The following RNASE12 variants were observed in gnomAD, a reference collection of about 807,000 sequenced individuals.
The protein encoded by RNASE12 is probable inactive ribonuclease-like protein 12.
For synonymous variants in RNASE12, 55 were observed against 59.8 expected, an observed-to-expected ratio of 0.92 and a Z score of 0.37; for missense variants, 161 against 177.6, an observed-to-expected ratio of 0.91 and a Z score of 0.53.
At chr14:20,590,723 T>A (rs745562367) in exon 1 of RNASE12, 4 of 1,613,082 alleles carry the variant, frequency 2.5e-6, no homozygotes. Flanking sequence ...ATTATTATCA[T>A]CAGAGGTAAG....
chr14:20,590,378 A>G (rs1041891712), exon 1 of RNASE12: 2 of 1,614,116 alleles, frequency 1.2e-6, no homozygotes, highest in South Asian at 2.2e-5. Context: ...CAGGCAGGGT[A>G]TCTTGTGCCT....
rs1337707927 is a variant in RNASE12 at position 20,590,211 on chromosome 14, C to G, written c.*69G>C. On this transcript the variant is annotated 3_prime_UTR_variant, in exon 1 of 1. Coordinates refer to ENST00000556526, the Ensembl canonical transcript of RNASE12. Reference sequence around the variant, plus strand: ...ATTGCCCCATGTCCACGGTCCAGGTCTGCCTCAGGCACAGCCAGCTCCAAT... The same window carrying G: ...ATTGCCCCATGTCCACGGTCCAGGTGTGCCTCAGGCACAGCCAGCTCCAAT... 12 of 1,575,248 alleles carry G rather than the reference C, an allele frequency of 7.6e-6. No individual in the cohort carries two copies. In the African/African-American group the frequency reaches 1.5e-4, roughly 20 times the overall value.
chr14:20,591,055 G>A (rs746698819), upstream of RNASE12: 19 of 985,012 alleles, frequency 1.9e-5, no homozygotes, highest in Non-Finnish European at 2.2e-5. Context: ...CAAATCCTTC[G>A]AAGTGCTCAA....
chr14:20,590,219 G>GCT, exon 1 of RNASE12: 1 of 1,584,930 alleles, frequency 6.3e-7, no homozygotes, highest in Non-Finnish European at 8.6e-7. Flanking sequence ...GTCTGCCTCA[G>GCT]GCACAGCCAG....
downstream of RNASE12, chr14:20,590,111 A>G (rs542001866): frequency 9.3e-5 from 116 of 1,241,744 alleles, no homozygotes; most frequent in African/African-American, 1.7e-3. Context: ...TTATTGAAGC[A>G]GAATAAAACA....
At chr14:20,591,355 T>C (rs1398744487), upstream of RNASE12, 10 of 925,928 alleles carry the variant, frequency 1.1e-5, no homozygotes, top group African/African-American at 7.1e-5. Flanking sequence ...CAATAACTGA[T>C]AGAGAGCCTG....
At chr14:20,590,915 TC>T, upstream of RNASE12, 28 of 1,429,340 alleles carry the variant, frequency 2.0e-5, no homozygotes, top group Non-Finnish European at 2.6e-5. Context: ...GAGGCATAGT[TC>T]CCCAAGAAAG....
At chr14:20,590,912 AG>A, upstream of RNASE12, 1 of 1,431,242 alleles carries the variant, frequency 7.0e-7, no homozygotes, top group Non-Finnish European at 9.2e-7. Flanking sequence ...CTGGAGGCAT[AG>A]TTCCCCAAGA....
chr14:20,590,348 T>A, exon 1 of RNASE12: 1 of 1,614,116 alleles, frequency 6.2e-7, no homozygotes, highest in Non-Finnish European at 8.5e-7. Context: ...AACCCCTCTG[T>A]GGGGGAATAG....
Position 20,590,770 on chromosome 14 carries a change from T to C in RNASE12, c.-47A>G. Reference sequence around the variant, plus strand: ...ATCTTTGGCTTTGACTGCTGTTGAGTAAGGGAAGATAGAAAGTAGCAAAGG... The same window carrying C: ...ATCTTTGGCTTTGACTGCTGTTGAGCAAGGGAAGATAGAAAGTAGCAAAGG... On this transcript the variant is annotated 5_prime_UTR_variant, in exon 1 of 1. Coordinates refer to ENST00000556526, the Ensembl canonical transcript of RNASE12. 6.3e-7 allele frequency: 1 copy of C among 1,590,008 alleles called. No individual in the cohort carries two copies.
exon 1 of RNASE12, chr14:20,590,517 G>A: frequency 1.2e-6 from 2 of 1,614,248 alleles, no homozygotes; most frequent in Non-Finnish European, 8.5e-7. Flanking sequence ...GCCTCTCATG[G>A]ATGAAGACAT....
At chr14:20,590,946 C>T (rs1361349573), upstream of RNASE12, 1 of 1,408,510 alleles carries the variant, frequency 7.1e-7, no homozygotes, top group African/African-American at 1.4e-5. Flanking sequence ...AACATGCCAG[C>T]TCTCAGAGTT....
upstream of RNASE12, chr14:20,591,344 A>G: frequency 1.0e-6 from 1 of 955,136 alleles, no homozygotes; most frequent in Non-Finnish European, 1.2e-6. Flanking sequence ...CTGTTCCCTG[A>G]CAATAACTGA....
chr14:20,590,177 G>T, downstream of RNASE12: 8 of 1,516,218 alleles, frequency 5.3e-6, no homozygotes, highest in South Asian at 1.3e-5. Flanking sequence ...TTCCCCTTCC[G>T]CTCAAGGCAT....
rs1271357094 is a variant in RNASE12, at chr14:20,590,399, G to A, written c.325C>T (p.Gln109Ter). ...GGGTATCTTGTGCCTTCAATGAGCT[G>A]ACAGACTGTCATTTTGAACTTTGTC... The change falls in exon 1 of 1, where the codon CAG (glutamine) becomes TAG (stop). Residue 109 changes from glutamine to a stop codon, truncating the protein, a stop_gained. Coordinates refer to ENST00000556526, the Ensembl canonical transcript of RNASE12. LOFTEE classifies it low-confidence loss of function (END_TRUNC). 6.2e-7 allele frequency: 1 copy of A among 1,614,106 alleles called. No homozygotes were observed. The highest frequency in any genetic ancestry group is 1.3e-5 in the African/African-American group (1 of 74,946).
chr14:20,591,115 T>C, upstream of RNASE12: 1 of 985,428 alleles, frequency 1.0e-6, no homozygotes, highest in Non-Finnish European at 1.2e-6. Flanking sequence ...TATTGCTGAA[T>C]AACCTTCTTT....
exon 1 of RNASE12, chr14:20,590,820 C>T (rs1884562211): frequency 1.3e-6 from 2 of 1,531,622 alleles, no homozygotes; most frequent in East Asian, 2.3e-5. Flanking sequence ...CCTGCTCCAA[C>T]CCCTGGCTGC....
At chr14:20,590,222 A>G in exon 1 of RNASE12, 3 of 1,586,810 alleles carry the variant, frequency 1.9e-6, no homozygotes, top group African/African-American at 1.3e-5. Context: ...TGCCTCAGGC[A>G]CAGCCAGCTC....
exon 1 of RNASE12, chr14:20,590,685 G>A (rs766407139): frequency 6.2e-7 from 1 of 1,614,074 alleles, no homozygotes; most frequent in Non-Finnish European, 8.5e-7. Flanking sequence ...CATTTTCCCA[G>A]AACAGAAGCA....
Sources: gnomAD v4.1 joint callset for allele counts on GRCh38, gnomAD v4.1.1 for gene constraint, MANE v1.5 for transcripts, NCBI Gene and HGNC (gene_info 2026-07-23, HGNC 2026-07-21) for gene names.